Variants in FBXW8 observed in about 807,000 individuals in gnomAD.
FBXW8 encodes the protein F-box and WD repeat domain containing 8.
A neutral mutation model predicts 65.3 loss-of-function variants in FBXW8; 57 were observed. The observed-to-expected ratio is 0.87, with a 90% CI of 0.71 to 1.09. FBXW8 has a LOEUF of 1.09. Ranked by LOEUF, FBXW8 falls within the 50% of genes least tolerant of loss-of-function variation. FBXW8 has a pLI of 0.00. For synonymous variants in FBXW8, 308 were observed against 330.2 expected (o/e 0.93, Z 0.73); for missense variants, 777 against 814.8 (o/e 0.95, Z 0.57).
chr12:116,913,804 C>T (rs1880189743), intron 1 of FBXW8, among the ~76,000 whole-genome samples: 1 of 152,178 alleles, frequency 6.6e-6, no homozygotes, highest in Admixed American at 6.5e-5. Context: ...GACCTGCATA[C>T]TGGAGAATCT....
In FBXW8 at chr12:116,915,708, G is replaced by A. The variant is rs1026342513; in HGVS notation, c.318+4353G>A. On this transcript the variant is annotated intron_variant, in intron 1 of 10. Transcript: ENST00000652555. ...TACCCTGTAACCTAGGCTGGAGTGC[G>A]GTGGCATGATCTTGGCTCACTGCAA... Among the ~76,000 whole-genome samples, 14 of 142,728 alleles carry A rather than the reference G, an allele frequency of 9.8e-5. No individual in the cohort carries two copies. The East Asian group carries it at 2.5e-3, about 25-fold the overall frequency. The allele number at this position is 142,728 out of a possible 152,430, so 93.6% of individuals were successfully genotyped here.
intron 8 of FBXW8, among the ~76,000 whole-genome samples, chr12:117,016,814 G>A (rs1229900267): frequency 6.6e-6 from 1 of 152,214 alleles, no homozygotes; most frequent in Admixed American, 6.5e-5. Flanking sequence ...TGTATATGGT[G>A]TGAGGTAGAG....
At chr12:117,022,530 T>TA (rs1954124131) in intron 8 of FBXW8, among the ~76,000 whole-genome samples, 12 of 152,046 alleles carry the variant, frequency 7.9e-5, no homozygotes, top group South Asian at 2.1e-4. Flanking sequence ...TAGCACGTGC[T>TA]TGTAGTCCCA....
chr12:116,976,363 C>T (rs770689726), intron 5 of FBXW8, among the ~76,000 whole-genome samples: 4 of 148,886 alleles, frequency 2.7e-5, no homozygotes, highest in Admixed American at 6.7e-5. Flanking sequence ...AGCTATTCCC[C>T]ACCTGCACCC....
intron 7 of FBXW8, among the ~76,000 whole-genome samples, chr12:116,996,254 G>A (rs942026015): frequency 1.3e-5 from 2 of 152,210 alleles, no homozygotes; most frequent in Non-Finnish European, 2.9e-5. Context: ...TGACAAGGAC[G>A]CTTGCTTGGC....
At chr12:116,918,965 G>GT (rs149656040) in intron 1 of FBXW8, among the ~76,000 whole-genome samples, 1,801 of 151,494 alleles carry the variant, frequency 0.012, 37 homozygotes, top group African/African-American at 0.041. Context: ...TATATGCCAT[G>GT]TTTTTTTTTC....
At position 117,010,367 on chromosome 12, in the gene FBXW8, G is replaced by A; in HGVS notation, c.1284G>A (p.Leu428=). The part of the protein sequence containing the change: ...SLEAGRRLLK[L]GNVLRDFTCV... ...AAGCAGGACGCCGCCTCTTGAAGCT[G>A]GGTAACGTTCTCCGTGACTTCACGT... The change falls in exon 8 of 11, where the codon CTG becomes CTA. Residue 428 remains leucine (L), a synonymous_variant. Transcript: ENST00000652555. The A allele has an allele frequency of 6.2e-7, 1 of 1,614,226 alleles. No homozygotes were observed. The highest frequency in any genetic ancestry group is 8.5e-7 in the Non-Finnish European group (1 of 1,180,040).
chr12:117,008,410 A>G (rs1466578075), intron 7 of FBXW8, among the ~76,000 whole-genome samples: 2 of 152,210 alleles, frequency 1.3e-5, no homozygotes, highest in Non-Finnish European at 2.9e-5. Flanking sequence ...GGAAGAATAA[A>G]TTTACTCTTG....
intron 2 of FBXW8, among the ~76,000 whole-genome samples, chr12:116,935,344 T>C (rs1882079140): frequency 1.3e-5 from 2 of 152,334 alleles, no homozygotes; most frequent in African/African-American, 4.8e-5. Flanking sequence ...TCCAGGTGCT[T>C]ATAGCTAAAG....
intron 7 of FBXW8, among the ~76,000 whole-genome samples, chr12:117,009,581 A>G (rs1248938309): frequency 6.6e-6 from 1 of 152,130 alleles, no homozygotes; most frequent in Non-Finnish European, 1.5e-5. Context: ...GACACATAGG[A>G]AGCATTTAAT....
chr12:116,945,981 A>G (rs1882904165), intron 3 of FBXW8, among the ~76,000 whole-genome samples: 1 of 152,212 alleles, frequency 6.6e-6, no homozygotes, highest in Admixed American at 6.5e-5. Context: ...CACATAACCT[A>G]TTGGCGTGCT....
chr12:116,912,295 C>G (rs1253534514), intron 1 of FBXW8, among the ~76,000 whole-genome samples: 1 of 151,652 alleles, frequency 6.6e-6, no homozygotes, highest in Non-Finnish European at 1.5e-5. Flanking sequence ...TCAAGCCATC[C>G]TCTTCCCTCA....
chr12:116,975,893 C>T (rs1364191325), intron 5 of FBXW8, among the ~76,000 whole-genome samples: 1 of 152,178 alleles, frequency 6.6e-6, no homozygotes, highest in Non-Finnish European at 1.5e-5. Context: ...ATGTGGAATT[C>T]TGGATTGGAT....
chr12:116,928,000 C>T, intron 1 of FBXW8, 23 bp from the exon 2 acceptor site: 3 of 1,446,628 alleles, frequency 2.1e-6, no homozygotes, highest in Non-Finnish European at 2.9e-6. Flanking sequence ...TTATAAACTT[C>T]TTTCTTTTTT....
chr12:116,928,941 G>T (rs1284865075), intron 2 of FBXW8, among the ~76,000 whole-genome samples: 4 of 152,034 alleles, frequency 2.6e-5, no homozygotes, highest in Non-Finnish European at 5.9e-5. Context: ...CTCCCGAGTA[G>T]CTGGGACTGC....
intron 6 of FBXW8, among the ~76,000 whole-genome samples, chr12:116,988,254 G>T (rs1255606658): frequency 6.6e-6 from 1 of 152,090 alleles, no homozygotes; most frequent in Non-Finnish European, 1.5e-5. Context: ...TGTTCATTTG[G>T]TATTTTGATA....
rs548446482 is a variant in FBXW8, at chr12:116,936,876, C to G, written c.424-8488C>G. 2.6e-5 allele frequency among the ~76,000 whole-genome samples: 4 copies of G among 152,054 alleles called. No homozygotes were observed. Among genetic ancestry groups the G allele is most frequent in the Admixed American group, 1.3e-4 (2 of 15,272 alleles). ...GAAGTTTTGTGAATAAGATGGGAAG[C>G]CTTTGGAGTGCTTTGAGCAGAGGGG... On this transcript the variant is annotated intron_variant, in intron 2 of 10. Transcript: ENST00000652555. The surrounding 1 kb of genome is among the most constrained non-coding windows in gnomAD (Gnocchi z 4.6).
At chr12:116,945,637 G>A (rs1592870607) in intron 3 of FBXW8, 109 bp downstream of exon 3, 1 of 1,030,700 alleles carries the variant, frequency 9.7e-7, no homozygotes, top group East Asian at 2.6e-5. Flanking sequence ...AAGGGAGAGG[G>A]GTACACTGAG....
At position 116,923,936 on chromosome 12, in the gene FBXW8, A is replaced by G. The variant is rs191720236; in HGVS notation, c.319-4087A>G. 3.3e-5 allele frequency among the ~76,000 whole-genome samples: 5 copies of G among 152,090 alleles called. No homozygotes were observed. The East Asian group carries it at 9.7e-4, about 29-fold the overall frequency. ...CACCATGTTAGCCAGGATGATCTCC[A>G]TCTCCTGACCTCGTGATCCGCCTGC... On this transcript the variant is annotated intron_variant, in intron 1 of 10. Coordinates refer to ENST00000652555, the MANE Select transcript of FBXW8 (RefSeq NM_153348.3).
Sources: allele counts gnomAD v4.1 joint callset (sites outside exome capture counted in the v4.1 genomes callset), GRCh38; gene constraint gnomAD v4.1.1; non-coding constraint Gnocchi (gnomAD v3.1); transcripts MANE v1.5; gene names NCBI Gene and HGNC (gene_info 2026-07-23, HGNC 2026-07-21).